Variants in VTI1A observed in about 807,000 individuals in gnomAD.
The protein encoded by VTI1A is vesicle transport through interaction with t-SNAREs 1A, also known as vesicle transport through interaction with t-SNAREs homolog 1A.
VTI1A carries 22 observed loss-of-function variants against 34.9 expected under a neutral mutation model. The observed-to-expected ratio is 0.63, with a 90% CI of 0.45 to 0.90. VTI1A has a LOEUF of 0.90. Ranked by LOEUF, VTI1A falls within the 40% of genes least tolerant of loss-of-function variation. The pLI is 0.00. For missense variants in VTI1A, 268 were observed against 275.6 expected (o/e 0.97, Z 0.20); for synonymous variants, 87 against 97.3 (o/e 0.89, Z 0.62).
At chr10:112,633,544 AAC>A (rs1334841914) in intron 5 of VTI1A, among the ~76,000 whole-genome samples, 1 of 152,218 alleles carries the variant, frequency 6.6e-6, no homozygotes, top group Non-Finnish European at 1.5e-5. Flanking sequence ...GGGCTGGAAC[AAC>A]ACAGCAGGAT....
downstream of VTI1A, among the ~76,000 whole-genome samples, chr10:112,820,889 G>C (rs1457788557): frequency 6.6e-6 from 1 of 152,106 alleles, no homozygotes; most frequent in Non-Finnish European, 1.5e-5. Context: ...GGTTTTTCTA[G>C]CACCAGGGGA....
Position 112,668,968 on chromosome 10 carries a change from G to T in VTI1A, c.530G>T (p.Ser177Ile), listed in dbSNP as rs367733556. ...LRETDANLGKSSRILTGMLRR... is the reference protein window; with the variant it reads ...LRETDANLGKISRILTGMLRR... ...GAAACAGATGCTAATTTGGGAAAAAGCTCCAGGATTCTGACAGGGATGTTG... is the reference window on the plus strand; with the variant it reads ...GAAACAGATGCTAATTTGGGAAAAATCTCCAGGATTCTGACAGGGATGTTG... Residue 177 changes from serine (S) to isoleucine (I), a missense_variant, in exon 7 of 8, where the codon AGC (serine) becomes ATC (isoleucine). Ser to Ile is a moderately radical substitution (Grantham distance 142). Coordinates refer to ENST00000393077, the MANE Select transcript of VTI1A (RefSeq NM_145206.4). 77 of 1,612,346 alleles carry T rather than the reference G, an allele frequency of 4.8e-5. No individual in the cohort carries two copies. Among genetic ancestry groups the T allele is most frequent in the Non-Finnish European group, 6.2e-5 (73 of 1,178,792 alleles).
intron 3 of VTI1A, among the ~76,000 whole-genome samples, chr10:112,473,349 A>G (rs1030961317): frequency 2.6e-5 from 4 of 151,994 alleles, no homozygotes; most frequent in African/African-American, 4.8e-5. Context: ...TGACCTCGTG[A>G]TCCACCCACC....
rs759243659 is a variant in VTI1A at position 112,580,909 on chromosome 10, A to G, written c.427+42579A>G. Among the ~76,000 whole-genome samples, 5 of 152,316 alleles carry G rather than the reference A, an allele frequency of 3.3e-5. No homozygotes were observed. The South Asian group carries it at 6.2e-4, about 19-fold the overall frequency. ...CTACGTACTGGAATTACGAATGTAC[A>G]TGTCTTCTTAGAGGGCAGTGTATAT... On this transcript the variant is annotated intron_variant, in intron 5 of 7. Transcript: ENST00000393077.
At chr10:112,788,422 G>C (rs1439487589) in intron 7 of VTI1A, among the ~76,000 whole-genome samples, 1 of 152,110 alleles carries the variant, frequency 6.6e-6, no homozygotes, top group South Asian at 2.1e-4. Flanking sequence ...AAGACTATTT[G>C]TCTTAAAAGC....
chr10:112,795,368 TA>T (rs200250165), intron 7 of VTI1A, among the ~76,000 whole-genome samples: 2 of 151,320 alleles, frequency 1.3e-5, no homozygotes, highest in East Asian at 1.9e-4. Flanking sequence ...TAGAAGTCAC[TA>T]AAAAAAATTT....
chr10:112,639,666 G>A (rs1846492762), intron 5 of VTI1A, among the ~76,000 whole-genome samples: 1 of 152,150 alleles, frequency 6.6e-6, no homozygotes, highest in East Asian at 1.9e-4. Context: ...GTTTACCTAT[G>A]AATTGATATT....
intron 4 of VTI1A, among the ~76,000 whole-genome samples, chr10:112,528,283 A>G (rs1474089982): frequency 6.6e-6 from 1 of 152,170 alleles, no homozygotes; most frequent in Non-Finnish European, 1.5e-5. Flanking sequence ...TATCTATTAT[A>G]CTATAATCTG....
At chr10:112,694,059 T>C (rs763375694) in intron 7 of VTI1A, among the ~76,000 whole-genome samples, 23 of 151,952 alleles carry the variant, frequency 1.5e-4, no homozygotes, top group Non-Finnish European at 1.6e-4. Flanking sequence ...ATACAAAAAT[T>C]AGCCAGCTTG....
At chr10:112,746,961 C>G (rs1255920466) in intron 7 of VTI1A, among the ~76,000 whole-genome samples, 2 of 152,180 alleles carry the variant, frequency 1.3e-5, no homozygotes, top group Non-Finnish European at 2.9e-5. Flanking sequence ...CAAGAACCCT[C>G]TGGGGCTATT....
At chr10:112,748,654 C>T (rs184849579) in intron 7 of VTI1A, among the ~76,000 whole-genome samples, 8,039 of 114,552 alleles carry the variant, frequency 0.07, 861 homozygotes, top group African/African-American at 0.25. Context: ...GAGACGGAGT[C>T]TCGCTCTGTC....
intron 7 of VTI1A, among the ~76,000 whole-genome samples, chr10:112,703,986 T>C (rs1054235118): frequency 1.3e-5 from 2 of 152,266 alleles, no homozygotes; most frequent in African/African-American, 2.4e-5. Flanking sequence ...TTTTGATATA[T>C]GCATAGTGTG....
At chr10:112,781,427 G>A (rs188499739) in intron 7 of VTI1A, among the ~76,000 whole-genome samples, 122 of 152,266 alleles carry the variant, frequency 8.0e-4, no homozygotes, top group African/African-American at 2.7e-3. Flanking sequence ...CTTCCCAGGC[G>A]GCCCCCAGTC....
intron 1 of VTI1A, among the ~76,000 whole-genome samples, chr10:112,458,482 C>T (rs917000743): frequency 2.0e-5 from 3 of 152,018 alleles, no homozygotes; most frequent in East Asian, 3.9e-4. Flanking sequence ...ATTGTAATCC[C>T]AAAGGCTTAT....
Position 112,717,196 on chromosome 10 carries a change from C to T in VTI1A, c.560+48198C>T, listed in dbSNP as rs59338928. Reference sequence around the variant, plus strand: ...CATGTTGATTTACAAGGCGTCTTTGCCCATTACATTTATTTACATGTCCAG... The same window carrying T: ...CATGTTGATTTACAAGGCGTCTTTGTCCATTACATTTATTTACATGTCCAG... On this transcript the variant is annotated intron_variant, in intron 7 of 7. Coordinates refer to ENST00000393077, the MANE Select transcript of VTI1A (RefSeq NM_145206.4). Among the ~76,000 whole-genome samples, 1,064 of 152,316 alleles carry T rather than the reference C, an allele frequency of 7.0e-3. 11 individuals are homozygous for T. The highest frequency in any genetic ancestry group is 0.025 in the African/African-American group (1,028 of 41,576).
At chr10:112,580,646 T>C (rs1843892627) in intron 5 of VTI1A, among the ~76,000 whole-genome samples, 1 of 151,980 alleles carries the variant, frequency 6.6e-6, no homozygotes, top group Non-Finnish European at 1.5e-5. Context: ...AGGGAGTGAC[T>C]GTAGGGTAGT....
intron 7 of VTI1A, chr10:112,736,619 G>A (rs923718355): frequency 6.6e-7 from 1 of 1,506,130 alleles, no homozygotes; most frequent in Non-Finnish European, 8.9e-7. Flanking sequence ...ACCAAAGCCT[G>A]CTGTTCTAAA....
chr10:112,849,319 T>A, the VTI1A span, among the ~76,000 whole-genome samples: 1 of 152,246 alleles, frequency 6.6e-6, no homozygotes, highest in Non-Finnish European at 1.5e-5. Flanking sequence ...TCTTCACACA[T>A]GGGCATTCAT....
rs1229141246 is a variant in VTI1A, at chr10:112,618,518, T to TAGAGAG, written c.428-49699_428-49698insGAGAGA. On this transcript the variant is annotated intron_variant, in intron 5 of 7. Coordinates refer to ENST00000393077, the MANE Select transcript of VTI1A (RefSeq NM_145206.4). ...ATATATATATATATATATATATATA[T>TAGAGAG]ATATATAGAGAGAGAGAGAGAGAGA... 4.1e-3 allele frequency among the ~76,000 whole-genome samples: 195 copies of TAGAGAG among 47,428 alleles called. 2 individuals are homozygous for TAGAGAG. Among genetic ancestry groups the TAGAGAG allele is most frequent in the African/African-American group, 9.1e-3 (86 of 9,404 alleles). 31.1% of individuals were successfully genotyped at this position (47,428 alleles called of 152,430 possible).
Sources: gnomAD v4.1 joint callset for allele counts (sites outside exome capture counted in the v4.1 genomes callset) on GRCh38, gnomAD v4.1.1 for gene constraint, MANE v1.5 for transcripts, NCBI Gene and HGNC (gene_info 2026-07-23, HGNC 2026-07-21) for gene names.